NFKB1: variants seen among roughly 807,000 people sequenced by gnomAD.
NFKB1 encodes the protein nuclear factor kappa B subunit 1.
NFKB1 carries 9 observed loss-of-function variants against 105.1 expected under a neutral mutation model. That is an observed-to-expected ratio of 0.09 (90% CI 0.05 to 0.15). The LOEUF (loss-of-function observed/expected upper bound fraction) is 0.15, where lower values mean the gene tolerates loss of function less well. Among genes scored for constraint, NFKB1 ranks in the 10% least tolerant of loss-of-function variants. The pLI is 1.00. For missense variants in NFKB1, 830 were observed against 1,203.7 expected (o/e 0.69, Z 4.59); for synonymous variants, 440 against 442.2 (o/e 1.00, Z 0.06).
chr4:102,574,202 ATT>A (rs1245410066), intron 6 of NFKB1, among the ~76,000 whole-genome samples: 1 of 129,692 alleles, frequency 7.7e-6, no homozygotes, highest in Non-Finnish European at 1.6e-5. Context: ...GAACAGTTTG[ATT>A]TTTTTGATTC....
At chr4:102,597,388 A>G in intron 14 of NFKB1, 132 bp from the exon 15 acceptor site, 2 of 945,408 alleles carry the variant, frequency 2.1e-6, no homozygotes, top group Non-Finnish European at 3.0e-6. Context: ...AAAGCATTGA[A>G]AGAACATTTT....
chr4:102,525,612 A>C, intron 2 of NFKB1, 55 bp downstream of exon 2: 1 of 1,481,046 alleles, frequency 6.8e-7, no homozygotes, highest in Non-Finnish European at 9.3e-7. Flanking sequence ...TATTTCAAAA[A>C]TATGCAAAGG....
At chr4:102,521,892 C>G (rs375571943) in intron 1 of NFKB1, among the ~76,000 whole-genome samples, 1 of 152,222 alleles carries the variant, frequency 6.6e-6, no homozygotes, top group Non-Finnish European at 1.5e-5. Flanking sequence ...ACAAGCAATT[C>G]ACTGGCTATT....
At chr4:102,560,074 GAC>G (rs1257329130) in intron 5 of NFKB1, among the ~76,000 whole-genome samples, 8 of 151,936 alleles carry the variant, frequency 5.3e-5, no homozygotes, top group African/African-American at 1.9e-4. Flanking sequence ...ACATTTATAA[GAC>G]AGTGCATTTA....
chr4:102,509,494 C>T (rs964944476), intron 1 of NFKB1, among the ~76,000 whole-genome samples: 1 of 152,194 alleles, frequency 6.6e-6, no homozygotes, highest in Non-Finnish European at 1.5e-5. Flanking sequence ...GCTATATTTA[C>T]TGAGTATCTG....
intron 1 of NFKB1, among the ~76,000 whole-genome samples, chr4:102,522,351 G>T (rs1740627068): frequency 6.6e-6 from 1 of 152,126 alleles, no homozygotes; most frequent in South Asian, 2.1e-4. Flanking sequence ...TATTGCAAAG[G>T]CTATAAAAGT....
intron 5 of NFKB1, among the ~76,000 whole-genome samples, chr4:102,540,315 T>A (rs1741918787): frequency 6.6e-6 from 1 of 152,184 alleles, no homozygotes; most frequent in Admixed American, 6.5e-5. Context: ...TTATTCCCAG[T>A]CTTCATACAT....
intron 5 of NFKB1, among the ~76,000 whole-genome samples, chr4:102,559,705 G>A (rs1723245334): frequency 6.6e-6 from 1 of 151,980 alleles, no homozygotes; most frequent in Non-Finnish European, 1.5e-5. Context: ...ACTTTAGGAG[G>A]CTTAGGTGGG....
chr4:102,528,750 A>G (rs989459247), intron 2 of NFKB1, among the ~76,000 whole-genome samples: 6 of 152,222 alleles, frequency 3.9e-5, no homozygotes, highest in Non-Finnish European at 5.9e-5. Context: ...TAAGTAATGA[A>G]TAGTAATTTA....
At chr4:102,524,921 G>C (rs1740807018) in intron 1 of NFKB1, among the ~76,000 whole-genome samples, 1 of 152,198 alleles carries the variant, frequency 6.6e-6, no homozygotes, top group African/African-American at 2.4e-5. Context: ...TGGCTGGCTT[G>C]CCTACTGCTC....
intron 14 of NFKB1, 141 bp from the exon 15 acceptor site, chr4:102,597,379 A>T: frequency 1.2e-6 from 1 of 848,604 alleles, no homozygotes; most frequent in East Asian, 2.7e-5. Flanking sequence ...CACAATCCAA[A>T]AGCATTGAAA....
intron 1 of NFKB1, among the ~76,000 whole-genome samples, chr4:102,506,458 A>G (rs1739421933): frequency 6.6e-6 from 1 of 152,336 alleles, no homozygotes; most frequent in South Asian, 2.1e-4. Flanking sequence ...ACAAGCAGGC[A>G]GTTAGCAGGG....
At chr4:102,597,193 A>G (rs1395357174) in intron 14 of NFKB1, among the ~76,000 whole-genome samples, 1 of 152,268 alleles carries the variant, frequency 6.6e-6, no homozygotes, top group African/African-American at 2.4e-5. Context: ...AAATCATGGT[A>G]AAATCTAACA....
At chr4:102,579,232 G>T (rs138695385) in intron 8 of NFKB1, among the ~76,000 whole-genome samples, 193 bp downstream of exon 8, 19 of 152,130 alleles carry the variant, frequency 1.2e-4, no homozygotes, top group Admixed American at 1.2e-3. Context: ...ATTTTAAGAG[G>T]GGCTCAATAC....
At chr4:102,591,388 C>G (rs1477735085) in intron 11 of NFKB1, among the ~76,000 whole-genome samples, 4 of 147,796 alleles carry the variant, frequency 2.7e-5, no homozygotes, top group African/African-American at 1.0e-4. Flanking sequence ...CCACTGCACT[C>G]CAGCCTGGGC....
chr4:102,506,829 TCA>T (rs1739445050), intron 1 of NFKB1, among the ~76,000 whole-genome samples: 1 of 151,774 alleles, frequency 6.6e-6, no homozygotes, highest in African/African-American at 2.4e-5. Flanking sequence ...CTCACATCAC[TCA>T]CAACAAACAT....
intron 11 of NFKB1, among the ~76,000 whole-genome samples, chr4:102,592,880 A>G (rs947754063): frequency 1.2e-4 from 18 of 152,188 alleles, no homozygotes; most frequent in African/African-American, 3.9e-4. Context: ...CCAAACTCCT[A>G]GAACACTGAT....
chr4:102,529,257 G>A (rs1273374921), intron 2 of NFKB1, among the ~76,000 whole-genome samples: 1 of 152,090 alleles, frequency 6.6e-6, no homozygotes, highest in Non-Finnish European at 1.5e-5. Context: ...GAAACTGAAG[G>A]TAAAAGAAAT....
At chr4:102,560,846 A>G (rs1007247000) in intron 5 of NFKB1, among the ~76,000 whole-genome samples, 1 of 152,220 alleles carries the variant, frequency 6.6e-6, no homozygotes, top group Non-Finnish European at 1.5e-5. Context: ...TAGAGAAGGA[A>G]AGAAACTGGC....
Sources: gnomAD v4.1 joint callset for allele counts (sites outside exome capture counted in the v4.1 genomes callset) on GRCh38, gnomAD v4.1.1 for gene constraint, MANE v1.5 for transcripts, NCBI Gene and HGNC (gene_info 2026-07-23, HGNC 2026-07-21) for gene names.